The following ZDHHC15 variants were observed in gnomAD, a reference collection of about 807,000 sequenced individuals.
ZDHHC15 encodes the protein palmitoyltransferase ZDHHC15.
ZDHHC15 carries 19 observed loss-of-function variants against 31.7 expected under a neutral mutation model. The observed-to-expected ratio is 0.60, with a 90% CI of 0.42 to 0.88. ZDHHC15 has a LOEUF of 0.88. ZDHHC15 is among the 40% of genes least tolerant of loss of function. The pLI is 0.00. For synonymous variants in ZDHHC15, 103 were observed against 90.0 expected, an observed-to-expected ratio of 1.14 and a Z score of -0.82; for missense variants, 209 against 251.2, an observed-to-expected ratio of 0.83 and a Z score of 1.14.
chrX:75,517,575 G>A (rs1393000399), intron 1 of ZDHHC15, among the ~76,000 whole-genome samples: 1 of 83,436 alleles, frequency 1.2e-5, no homozygotes, highest in Non-Finnish European at 2.3e-5. Context: ...CATCACACAC[G>A]GGGGCCTGTC....
intron 9 of ZDHHC15, among the ~76,000 whole-genome samples, chrX:75,418,096 T>C (rs1370401387): frequency 8.9e-6 from 1 of 111,984 alleles, no homozygotes; most frequent in Non-Finnish European, 1.9e-5. Context: ...GTGGTGATGA[T>C]GTGTGGATAT....
At chrX:75,397,062 C>T (rs1029125702) in intron 10 of ZDHHC15, among the ~76,000 whole-genome samples, 1 of 110,956 alleles carries the variant, frequency 9.0e-6, no homozygotes, top group African/African-American at 3.3e-5. Flanking sequence ...TGCGGTGGCT[C>T]ACATCTGCAA....
intron 3 of ZDHHC15, among the ~76,000 whole-genome samples, chrX:75,468,171 G>A (rs773405244): frequency 1.8e-5 from 2 of 108,805 alleles, no homozygotes; most frequent in Non-Finnish European, 3.8e-5. Context: ...TCCGCCTCCC[G>A]AGTAACTGGG....
intron 2 of ZDHHC15, among the ~76,000 whole-genome samples, chrX:75,479,516 A>T (rs1176539118): frequency 8.9e-6 from 1 of 112,068 alleles, no homozygotes; most frequent in Admixed American, 9.5e-5. Flanking sequence ...CTTTTAAAAA[A>T]GTTTGTATAA....
intron 10 of ZDHHC15, among the ~76,000 whole-genome samples, chrX:75,392,751 C>G (rs748581647): frequency 8.9e-6 from 1 of 111,795 alleles, no homozygotes; most frequent in Non-Finnish European, 1.9e-5. Flanking sequence ...AAGATATTTT[C>G]TTAGTACAAG....
At chrX:75,506,199 T>A (rs895947462) in intron 1 of ZDHHC15, among the ~76,000 whole-genome samples, 5 of 111,851 alleles carry the variant, frequency 4.5e-5, no homozygotes, top group Admixed American at 9.6e-5. Flanking sequence ...CTTTCTTTTT[T>A]TTATTATTAT....
chrX:75,515,566 T>C (rs763933827), intron 1 of ZDHHC15, among the ~76,000 whole-genome samples: 2 of 111,644 alleles, frequency 1.8e-5, no homozygotes, highest in Non-Finnish European at 3.8e-5. Flanking sequence ...ATAAACTAGG[T>C]ATTGATGGAA....
At chrX:75,499,208 A>G (rs1168335423) in intron 2 of ZDHHC15, among the ~76,000 whole-genome samples, 1 of 111,659 alleles carries the variant, frequency 9.0e-6, no homozygotes, top group Non-Finnish European at 1.9e-5. Context: ...AAACTCTTCT[A>G]GACTTTGGTT....
chrX:75,445,725 T>G (rs1167853208), intron 4 of ZDHHC15, among the ~76,000 whole-genome samples: 1 of 111,574 alleles, frequency 9.0e-6, no homozygotes, highest in Non-Finnish European at 1.9e-5. Flanking sequence ...GGGCACTGAT[T>G]TGTAAAGAAT....
intron 1 of ZDHHC15, among the ~76,000 whole-genome samples, chrX:75,508,694 C>T (rs1020267909): frequency 6.3e-5 from 7 of 110,824 alleles, no homozygotes; most frequent in Non-Finnish European, 9.5e-5. Flanking sequence ...AATGGTATTT[C>T]TAGTTCTAGA....
At chrX:75,439,904 C>CAAA (rs1465396474) in intron 4 of ZDHHC15, among the ~76,000 whole-genome samples, 18 of 111,380 alleles carry the variant, frequency 1.6e-4, no homozygotes, top group Non-Finnish European at 3.0e-4. Flanking sequence ...ATGGGGTTTC[C>CAAA]TGGGAGCCAG....
At chrX:75,401,809 C>T (rs982652894) in intron 10 of ZDHHC15, among the ~76,000 whole-genome samples, 11 of 112,117 alleles carry the variant, frequency 9.8e-5, no homozygotes, top group African/African-American at 3.6e-4. Context: ...CCACACACCA[C>T]TGACAGTTTT....
intron 11 of ZDHHC15, among the ~76,000 whole-genome samples, chrX:75,375,607 G>A (rs1280909483): frequency 9.0e-6 from 1 of 110,821 alleles, no homozygotes; most frequent in Non-Finnish European, 1.9e-5. Flanking sequence ...TGCCATCTTT[G>A]TTTCCATGGG....
intron 10 of ZDHHC15, among the ~76,000 whole-genome samples, chrX:75,416,137 G>A (rs1466276827): frequency 9.0e-6 from 1 of 111,696 alleles, no homozygotes; most frequent in Admixed American, 9.6e-5. Flanking sequence ...TTTTATCTAT[G>A]GATTTGTGGC....
At chrX:75,478,846 A>T (rs1463313997) in intron 3 of ZDHHC15, 45 bp downstream of exon 3, 14 of 1,005,495 alleles carry the variant, frequency 1.4e-5, no homozygotes, top group Non-Finnish European at 1.8e-5. Flanking sequence ...TGTCACTTCT[A>T]CTTTTTTCTG....
intron 11 of ZDHHC15, among the ~76,000 whole-genome samples, chrX:75,373,982 A>ACTCACCC (rs1281138942): frequency 1.8e-4 from 13 of 73,571 alleles, no homozygotes; most frequent in African/African-American, 6.9e-4. Flanking sequence ...CCCCTCCAGC[A>ACTCACCC]CTCACCCCTC....
intron 2 of ZDHHC15, among the ~76,000 whole-genome samples, chrX:75,496,650 A>G (rs1178948989): frequency 8.9e-6 from 1 of 111,789 alleles, no homozygotes; most frequent in Non-Finnish European, 1.9e-5. Context: ...AAATTATATC[A>G]AGTACTCTCA....
At chrX:75,499,161 A>T (rs1246517321) in intron 2 of ZDHHC15, among the ~76,000 whole-genome samples, 2 of 111,630 alleles carry the variant, frequency 1.8e-5, no homozygotes, top group Non-Finnish European at 3.8e-5. Flanking sequence ...TTAACCTAAG[A>T]CCTGAAATCA....
chrX:75,492,247 T>G (rs1437371917), intron 2 of ZDHHC15, among the ~76,000 whole-genome samples: 4 of 111,655 alleles, frequency 3.6e-5, no homozygotes, highest in Non-Finnish European at 7.5e-5. Context: ...TAAATATATA[T>G]GAACCCAATA....
Sources: gnomAD v4.1 joint callset for allele counts (sites outside exome capture counted in the v4.1 genomes callset) on GRCh38, gnomAD v4.1.1 for gene constraint, MANE v1.5 for transcripts, NCBI Gene and HGNC (gene_info 2026-07-23, HGNC 2026-07-21) for gene names.